Variants in ATL2 observed in about 807,000 individuals in gnomAD.
The protein encoded by ATL2 is atlastin GTPase 2.
Under a neutral mutation model 73.9 loss-of-function variants are expected in ATL2, and 31 were observed. The ratio of observed to expected loss-of-function variants is 0.42; its 90% CI spans 0.32 to 0.57. The LOEUF (loss-of-function observed/expected upper bound fraction) is 0.57. Among genes scored for constraint, ATL2 ranks in the 20% least tolerant of loss-of-function variants. ATL2 has a pLI of 0.14. For missense variants in ATL2, 738 were observed against 702.6 expected, an observed-to-expected ratio of 1.05 and a Z score of -0.57; for synonymous variants, 291 against 237.5, an observed-to-expected ratio of 1.23 and a Z score of -2.07.
At chr2:38,331,113 A>G (rs1022263785) in intron 2 of ATL2, among the ~76,000 whole-genome samples, 4 of 151,982 alleles carry the variant, frequency 2.6e-5, no homozygotes, top group African/African-American at 9.7e-5. Context: ...CCTGGGCAAC[A>G]CGGTGAAACC....
At chr2:38,305,401 T>A (rs548162857) in intron 9 of ATL2, among the ~76,000 whole-genome samples, 1 of 152,022 alleles carries the variant, frequency 6.6e-6, no homozygotes, top group East Asian at 1.9e-4. Context: ...TACAAAAAAT[T>A]AGCTGGGCAT....
At chr2:38,377,043 C>T (rs1156805639) in intron 1 of ATL2, 100 bp downstream of exon 1, 37 of 1,112,216 alleles carry the variant, frequency 3.3e-5, no homozygotes, top group Non-Finnish European at 4.4e-5. Flanking sequence ...GAACCAGCCG[C>T]GGACTCCGAC....
chr2:38,350,234 G>C (rs541962661), intron 1 of ATL2, among the ~76,000 whole-genome samples: 1 of 152,106 alleles, frequency 6.6e-6, no homozygotes, highest in African/African-American at 2.4e-5. Flanking sequence ...ACACATTTTT[G>C]TGATTCACAG....
At position 38,318,922 on chromosome 2, in the gene ATL2, T is replaced by C. The variant is rs936040601; in HGVS notation, c.461A>G (p.Asn154Ser). 6.2e-7 allele frequency: 1 copy of C among 1,613,922 alleles called. No homozygotes were observed. Among genetic ancestry groups the C allele is most frequent in the African/African-American group, 1.3e-5 (1 of 74,930 alleles). The change falls in exon 3 of 13, where the codon AAT becomes AGT. Residue 154 changes from asparagine (N) to serine (S), a missense_variant. Coordinates refer to ENST00000378954, the MANE Select transcript of ATL2 (RefSeq NM_001135673.4). ...AGGTCTGTCAATCACAAATACTTCA[T>C]TCCAAACTTGTATGCCTGTTGTTTC... is the stretch of plus-strand genomic sequence containing the variant. ...ERETTGIQVW[N>S]EVFVIDRPNG...
At chr2:38,318,507 G>C (rs769158884) in intron 4 of ATL2, 28 bp downstream of exon 4, 3 of 1,500,248 alleles carry the variant, frequency 2.0e-6, no homozygotes, top group Admixed American at 4.4e-5. Flanking sequence ...TACGTGAACT[G>C]ATCGCACCAC....
intron 1 of ATL2, among the ~76,000 whole-genome samples, chr2:38,345,824 T>A (rs1027099709): frequency 1.3e-5 from 2 of 152,218 alleles, no homozygotes; most frequent in African/African-American, 4.8e-5. Context: ...GCATGTCACT[T>A]AACTTCTCTG....
rs1558376733 is a variant in ATL2, at chr2:38,295,198, A to G, written c.*796T>C. The G allele has an allele frequency of 6.6e-6, 1 of 152,222 alleles. No homozygotes were observed. The highest frequency in any genetic ancestry group is 6.5e-5 in the Admixed American group (1 of 15,278). The allele number at this position is 152,222 out of a possible 1,614,324, so 9.4% of individuals were successfully genotyped here. A position where few individuals can be genotyped will look rare whatever the true frequency, so the allele number is the denominator to read the frequency against. On this transcript the variant is annotated 3_prime_UTR_variant, in exon 13 of 13. Transcript: ENST00000378954. ...AATACAAAATCGTATTTATATATTTATAAGTCATATACATGCCCTATCTGT... is the reference window on the plus strand; with the variant it reads ...AATACAAAATCGTATTTATATATTTGTAAGTCATATACATGCCCTATCTGT...
At chr2:38,354,416 C>A (rs1670543167) in intron 1 of ATL2, among the ~76,000 whole-genome samples, 1 of 151,738 alleles carries the variant, frequency 6.6e-6, no homozygotes, top group Non-Finnish European at 1.5e-5. Context: ...TGTAGAAGTA[C>A]AAAATTTTAA....
chr2:38,332,454 C>A (rs1669054939), intron 2 of ATL2, among the ~76,000 whole-genome samples: 2 of 152,174 alleles, frequency 1.3e-5, no homozygotes, highest in South Asian at 4.1e-4. Context: ...AATCCTCCCA[C>A]CTCGGCCTCC....
At chr2:38,339,854 C>T (rs904458661) in intron 2 of ATL2, among the ~76,000 whole-genome samples, 1 of 152,040 alleles carries the variant, frequency 6.6e-6, no homozygotes, top group African/African-American at 2.4e-5. Context: ...CCGCGCCCAG[C>T]TAATTTTTGT....
intron 2 of ATL2, among the ~76,000 whole-genome samples, chr2:38,339,728 T>C (rs1421854090): frequency 6.6e-6 from 1 of 152,176 alleles, no homozygotes; most frequent in Admixed American, 6.5e-5. Flanking sequence ...TTTTCTCTTG[T>C]TGCCCAGGTT....
chr2:38,344,352 G>C (rs1669899615), intron 1 of ATL2, among the ~76,000 whole-genome samples: 3 of 152,196 alleles, frequency 2.0e-5, no homozygotes, highest in African/African-American at 7.2e-5. Flanking sequence ...TGCAGTGGGT[G>C]TAATCCCAAC....
At chr2:38,340,219 G>A (rs1483749810) in intron 2 of ATL2, among the ~76,000 whole-genome samples, 1 of 147,450 alleles carries the variant, frequency 6.8e-6, no homozygotes, top group African/African-American at 2.5e-5. Context: ...CACAAAGTGG[G>A]GGTTGTTCTG....
In ATL2 at chr2:38,294,522, T is replaced by C. The variant is rs376615897; in HGVS notation, c.*1472A>G. 6.6e-6 allele frequency among the ~76,000 whole-genome samples: 1 copy of C among 152,168 alleles called. No individual in the cohort carries two copies. The highest frequency in any genetic ancestry group is 1.5e-5 in the Non-Finnish European group (1 of 68,000). ...AAGATCGCACCACTGCACTCCAGCC[T>C]GGGTGACAGAGAGAGACTCCGTCTC... On this transcript the variant is annotated 3_prime_UTR_variant, in exon 13 of 13. Coordinates refer to ENST00000378954, the MANE Select transcript of ATL2 (RefSeq NM_001135673.4).
At chr2:38,353,093 G>A (rs1265712050) in intron 1 of ATL2, among the ~76,000 whole-genome samples, 1 of 152,152 alleles carries the variant, frequency 6.6e-6, no homozygotes, top group African/African-American at 2.4e-5. Flanking sequence ...GTAGCCCATA[G>A]TCAAGAAAGA....
chr2:38,305,154 A>T (rs557771906), intron 9 of ATL2, among the ~76,000 whole-genome samples: 11 of 152,378 alleles, frequency 7.2e-5, no homozygotes, highest in Non-Finnish European at 1.3e-4. Context: ...GGATCAATTC[A>T]GCAAGAGGAT....
At chr2:38,372,346 T>C (rs914236082) in intron 1 of ATL2, among the ~76,000 whole-genome samples, 1 of 152,166 alleles carries the variant, frequency 6.6e-6, no homozygotes, top group African/African-American at 2.4e-5. Flanking sequence ...GCATACAGTA[T>C]AACAATGATT....
intron 2 of ATL2, among the ~76,000 whole-genome samples, chr2:38,341,582 T>C (rs1054237155): frequency 1.3e-5 from 2 of 152,110 alleles, no homozygotes; most frequent in African/African-American, 4.8e-5. Flanking sequence ...GGCTGCAGTC[T>C]ACTAAACTGA....
rs184790239 is a variant in ATL2, at chr2:38,333,311, T to A, written c.363+9957A>T. Among the ~76,000 whole-genome samples, 205 of 152,190 alleles carry A rather than the reference T, an allele frequency of 1.3e-3. 1 individual carries two copies. In the East Asian group the frequency reaches 0.019, roughly 14 times the overall value. On this transcript the variant is annotated intron_variant, in intron 2 of 12. Transcript: ENST00000378954. ...CTCTAAAAAAGTTAAAATAATTTTT[T>A]AAAAAATGTACAAGCTAAATAGCAA...
Sources: allele counts gnomAD v4.1 joint callset (sites outside exome capture counted in the v4.1 genomes callset), GRCh38; gene constraint gnomAD v4.1.1; transcripts MANE v1.5; gene names NCBI Gene and HGNC (gene_info 2026-07-23, HGNC 2026-07-21).